TDRD7: variants seen among roughly 807,000 people sequenced by gnomAD.
TDRD7 encodes tudor domain containing 7, also known as tudor domain-containing protein 7.
Under a neutral mutation model 109.8 loss-of-function variants are expected in TDRD7, and 47 were observed. The ratio of observed to expected loss-of-function variants is 0.43; its 90% confidence interval spans 0.34 to 0.55. The LOEUF is 0.55. TDRD7 is among the 20% of genes least tolerant of loss of function. The pLI is 0.03. For missense variants in TDRD7, 1,164 were observed against 1,319.2 expected, an observed-to-expected ratio of 0.88 and a Z score of 1.82; for synonymous variants, 424 against 457.3, an observed-to-expected ratio of 0.93 and a Z score of 0.93.
intron 1 of TDRD7, among the ~76,000 whole-genome samples, chr9:97,425,441 T>C (rs1379135006): frequency 6.6e-6 from 1 of 152,228 alleles, no homozygotes; most frequent in Non-Finnish European, 1.5e-5. Flanking sequence ...AGTAGCATGC[T>C]GTACAGGTGT....
In TDRD7 at chr9:97,495,537, C is replaced by A. The variant is rs1235269493; in HGVS notation, c.3077-126C>A. 3.3e-6 allele frequency: 3 copies of A among 898,220 alleles called. No individual in the cohort carries two copies. The African/African-American group carries it at 4.9e-5, about 15-fold the overall frequency. The allele number at this position is 898,220 out of a possible 1,614,324, so 55.6% of individuals were successfully genotyped here. Reference sequence around the variant, plus strand: ...ATTGTTCAGTAACCGTTTTTCAGTTCAGGCAAGTCTAACCTGGGATGCTTA... The same window carrying A: ...ATTGTTCAGTAACCGTTTTTCAGTTAAGGCAAGTCTAACCTGGGATGCTTA... On this transcript the variant is annotated intron_variant, in intron 16 of 16. Coordinates refer to ENST00000355295, the MANE Select transcript of TDRD7 (RefSeq NM_014290.3).
chr9:97,421,311 A>G (rs1331890771), intron 1 of TDRD7, among the ~76,000 whole-genome samples: 3 of 152,148 alleles, frequency 2.0e-5, no homozygotes. Context: ...TTGTGAATTT[A>G]ATTTGCATTT....
chr9:97,471,238 T>C (rs969592628), intron 9 of TDRD7, among the ~76,000 whole-genome samples: 2 of 152,178 alleles, frequency 1.3e-5, no homozygotes, highest in African/African-American at 4.8e-5. Context: ...ACATTGGTCA[T>C]GTCCGTGATA....
chr9:97,488,552 ATTTAATGG>A (rs1454572484), intron 16 of TDRD7, among the ~76,000 whole-genome samples: 1 of 111,404 alleles, frequency 9.0e-6, no homozygotes, highest in Admixed American at 1.1e-4. Flanking sequence ...TCTTCTTCAG[ATTTAATGG>A]TTTTTTTTTT....
At chr9:97,484,494 C>A (rs1219532322) in intron 15 of TDRD7, among the ~76,000 whole-genome samples, 2 of 151,336 alleles carry the variant, frequency 1.3e-5, no homozygotes, top group African/African-American at 2.4e-5. Flanking sequence ...ACACACACAC[C>A]CCAAAACTCA....
chr9:97,431,016 C>T lies in TDRD7; in HGVS notation c.291C>T (p.Thr97=), dbSNP rs758720003. 7.4e-6 allele frequency: 12 copies of T among 1,613,880 alleles called. No individual in the cohort carries two copies. Among genetic ancestry groups the T allele is most frequent in the Admixed American group, 1.7e-5 (1 of 59,986 alleles). Residue 97 remains threonine (T), a synonymous_variant, in exon 3 of 17, where the codon ACC becomes ACT. Transcript: ENST00000355295. The part of the protein sequence containing the change: ...VARQRSSKRK[T]GRQVNCQMRV... ...GTCAAAGGAGTTCTAAAAGGAAAAC[C>T]GGGCGTCAAGTTAATTGTCAGATGA...
chr9:97,473,598 G>T lies in TDRD7; in HGVS notation c.2051G>T (p.Arg684Leu). ...CTGAACAAGCTCAGTGACCTTCTAC[G>T]TAAGATAGAGGACTACTTCCATTGC... ...KGLNKLSDLL[R>L]KIEDYFHCKH... The change falls in exon 11 of 17, where the codon CGT becomes CTT. Residue 684 changes from arginine to leucine, a missense_variant. Transcript: ENST00000355295. 6.2e-7 allele frequency: 1 copy of T among 1,613,738 alleles called. No homozygotes were observed. The highest frequency in any genetic ancestry group is 8.5e-7 in the Non-Finnish European group (1 of 1,179,748).
intron 6 of TDRD7, among the ~76,000 whole-genome samples, chr9:97,456,653 A>G (rs1217456719): frequency 6.6e-6 from 1 of 152,194 alleles, no homozygotes; most frequent in East Asian, 1.9e-4. Flanking sequence ...CCTTCCTTAC[A>G]CCTTATACAA....
At chr9:97,443,490 T>G (rs1828347899) in intron 6 of TDRD7, among the ~76,000 whole-genome samples, 1 of 152,256 alleles carries the variant, frequency 6.6e-6, no homozygotes, top group Non-Finnish European at 1.5e-5. Flanking sequence ...CCAGGGTTAC[T>G]TTTTCAGTTC....
intron 16 of TDRD7, among the ~76,000 whole-genome samples, 181 bp from the exon 17 acceptor site, chr9:97,495,482 T>C (rs769987138): frequency 1.3e-5 from 2 of 152,212 alleles, no homozygotes; most frequent in African/African-American, 4.8e-5. Flanking sequence ...CCATTCAGAG[T>C]AGAAAAACTA....
rs77413149 is a variant in TDRD7 at position 97,482,520 on chromosome 9, G to A, written c.2413-329G>A. ...TTATCATTTCTACTTTAAGTGTTTC[G>A]AAATATCATTAATTTAAACTATTTT... On this transcript the variant is annotated intron_variant, in intron 14 of 16. Transcript: ENST00000355295. Among the ~76,000 whole-genome samples the A allele has an allele frequency of 7.6e-4, 116 of 152,148 alleles. 1 individual carries two copies. In the East Asian group the frequency reaches 0.016, roughly 21 times the overall value.
At chr9:97,423,011 G>A (rs1827924090) in intron 1 of TDRD7, among the ~76,000 whole-genome samples, 1 of 152,180 alleles carries the variant, frequency 6.6e-6, no homozygotes, top group African/African-American at 2.4e-5. Flanking sequence ...TCTTTGTATA[G>A]TTTTTGTATC....
In TDRD7 at chr9:97,483,234, A is replaced by G. The variant is rs374686155; in HGVS notation, c.2798A>G (p.Gln933Arg). Residue 933 changes from glutamine to arginine, a missense_variant, in exon 15 of 17, where the codon CAG becomes CGG. Gln to Arg is a conservative substitution (Grantham distance 43). Coordinates refer to ENST00000355295, the MANE Select transcript of TDRD7 (RefSeq NM_014290.3). ...GGCTACTTCGTCATCCAGCCTTGGC[A>G]GGAGATACATAAGTTGGAAGTTCTG... is the stretch of plus-strand genomic sequence containing the variant. ...HPGYFVIQPW[Q>R]EIHKLEVLME... The G allele has an allele frequency of 1.9e-6, 3 of 1,613,464 alleles. No homozygotes were observed. The African/African-American group carries it at 4.0e-5, about 22-fold the overall frequency.
At chr9:97,446,859 A>G (rs943773591) in intron 6 of TDRD7, among the ~76,000 whole-genome samples, 1 of 152,190 alleles carries the variant, frequency 6.6e-6, no homozygotes, top group Non-Finnish European at 1.5e-5. Flanking sequence ...TTGGATTTCT[A>G]AGGAAATGGA....
At chr9:97,489,646 G>A (rs1271094533) in intron 16 of TDRD7, among the ~76,000 whole-genome samples, 1 of 152,084 alleles carries the variant, frequency 6.6e-6, no homozygotes, top group South Asian at 2.1e-4. Context: ...GACATTGAAA[G>A]TGATTATTAA....
At position 97,483,178 on chromosome 9, in the gene TDRD7, G is replaced by A; in HGVS notation, c.2742G>A (p.Met914Ile). The change falls in exon 15 of 17, where the codon ATG (methionine) becomes ATA (isoleucine). Residue 914 changes from methionine to isoleucine, a missense_variant. By Grantham distance (10) the Met-to-Ile change is conservative (BLOSUM62 1). This residue lies in a region of TDRD7 where 233 missense variants were observed against 218.0 expected (regional missense o/e 1.07). Transcript: ENST00000355295. Reference protein sequence around the residue: ...PVHLSKPGEHMDVYVPVACHP... With the variant: ...PVHLSKPGEHIDVYVPVACHP... ...ACTTATCAAAGCCAGGGGAACACAT[G>A]GATGTGTATGTGCCTGTGGCCTGTC... 2 of 1,614,142 alleles carry A rather than the reference G, an allele frequency of 1.2e-6. No individual in the cohort carries two copies. Among genetic ancestry groups the A allele is most frequent in the Non-Finnish European group, 1.7e-6 (2 of 1,179,996 alleles).
At chr9:97,433,117 T>C (rs894027370) in intron 4 of TDRD7, among the ~76,000 whole-genome samples, 3 of 152,180 alleles carry the variant, frequency 2.0e-5, no homozygotes, top group Non-Finnish European at 4.4e-5. Flanking sequence ...AATTTTGTTG[T>C]ATTATATTCC....
chr9:97,462,813 C>T (rs564336099), intron 7 of TDRD7, among the ~76,000 whole-genome samples: 8 of 152,350 alleles, frequency 5.3e-5, no homozygotes, highest in Non-Finnish European at 1.0e-4. Context: ...CCTATCTGTG[C>T]AGCCCTCCTT....
intron 6 of TDRD7, among the ~76,000 whole-genome samples, chr9:97,456,351 G>A (rs887625214): frequency 2.0e-5 from 3 of 152,096 alleles, no homozygotes; most frequent in African/African-American, 4.8e-5. Context: ...AATCAAAGAA[G>A]ACCCCTTATA....
Sources: gnomAD v4.1 joint callset for allele counts (sites outside exome capture counted in the v4.1 genomes callset) on GRCh38, gnomAD v4.1.1 for gene constraint, gnomAD v4.1.1 regional missense constraint, MANE v1.5 for transcripts, NCBI Gene and HGNC (gene_info 2026-07-23, HGNC 2026-07-21) for gene names.